Variants in ADAMTSL2 observed in about 807,000 individuals in gnomAD.
ADAMTSL2 encodes the protein ADAMTS-like protein 2.
A neutral mutation model predicts 117.0 loss-of-function variants in ADAMTSL2; 55 were observed. The observed-to-expected ratio is 0.47, with a 90% CI of 0.38 to 0.59. The LOEUF (loss-of-function observed/expected upper bound fraction) is 0.59. Ranked by LOEUF, ADAMTSL2 falls within the 20% of genes least tolerant of loss-of-function variation. The probability of loss-of-function intolerance (pLI) is 0.00; values close to 1 mark genes in which losing one functional copy is unlikely to be tolerated. For synonymous variants in ADAMTSL2, 572 were observed against 566.4 expected (o/e 1.01, Z -0.14); for missense variants, 1,182 against 1,354.5 (o/e 0.87, Z 2.00).
At chr9:133,568,049 G>A (rs1008423156) in intron 13 of ADAMTSL2, among the ~76,000 whole-genome samples, 8 of 152,326 alleles carry the variant, frequency 5.3e-5, no homozygotes, top group Admixed American at 3.3e-4. Flanking sequence ...CAGGGCACCC[G>A]CCAACCACCT....
intron 12 of ADAMTSL2, 154 bp from the exon 13 acceptor site, chr9:133,566,782 C>G: frequency 1.0e-6 from 1 of 997,010 alleles, no homozygotes; most frequent in Non-Finnish European, 1.5e-6. Context: ...ACCCACAGTG[C>G]TGCCCTCATG....
chr9:133,571,903 C>T (rs1039073964), intron 17 of ADAMTSL2, among the ~76,000 whole-genome samples: 27 of 152,152 alleles, frequency 1.8e-4, no homozygotes, highest in Admixed American at 3.3e-4. Context: ...GGGTGTCAGA[C>T]GGAACTCAGA....
In ADAMTSL2 at chr9:133,537,514, T is replaced by C; in HGVS notation, c.200T>C (p.Val67Ala). Reference protein sequence around the residue: ...TACSRSCGGGVTSQERHCLQQ... With the variant: ...TACSRSCGGGATSQERHCLQQ... Reference sequence around the variant, plus strand: ...TGTTCCCGCAGTTGCGGGGGTGGGGTGACATCCCAGGAGCGGCACTGCCTG... The same window carrying C: ...TGTTCCCGCAGTTGCGGGGGTGGGGCGACATCCCAGGAGCGGCACTGCCTG... Residue 67 changes from valine (V) to alanine (A), a missense_variant, in exon 3 of 19, where the codon GTG becomes GCG. Coordinates refer to ENST00000651351, the MANE Select transcript of ADAMTSL2 (RefSeq NM_014694.4). 7.4e-7 allele frequency: 1 copy of C among 1,348,840 alleles called. No individual in the cohort carries two copies. The highest frequency in any genetic ancestry group is 9.6e-7 in the Non-Finnish European group (1 of 1,041,642). The allele number at this position is 1,348,840 out of a possible 1,614,324, so 83.6% of individuals were successfully genotyped here. A position where few individuals can be genotyped will look rare whatever the true frequency, so the allele number is the denominator to read the frequency against.
At chr9:133,538,502 G>C in intron 4 of ADAMTSL2, 78 bp downstream of exon 4, 1 of 1,521,326 alleles carries the variant, frequency 6.6e-7, no homozygotes, top group Non-Finnish European at 9.1e-7. Context: ...CTTCCAGGTG[G>C]CTCCTGGGCA....
chr9:133,570,675 G>T (rs888899032), intron 17 of ADAMTSL2, among the ~76,000 whole-genome samples, 168 bp downstream of exon 17: 14 of 152,204 alleles, frequency 9.2e-5, no homozygotes, highest in Admixed American at 5.9e-4. Context: ...ACGTCAGCTG[G>T]TGCGAGAGCC....
chr9:133,539,883 G>A lies in ADAMTSL2; in HGVS notation c.412+10G>A, dbSNP rs375029785. The A allele has an allele frequency of 7.7e-5, 120 of 1,550,398 alleles. No individual in the cohort carries two copies. The highest frequency in any genetic ancestry group is 9.6e-5 in the African/African-American group (7 of 73,046). On this transcript the variant is annotated intron_variant, in intron 5 of 18. Coordinates refer to ENST00000651351, the MANE Select transcript of ADAMTSL2 (RefSeq NM_014694.4). ...AAGCCTCTGTACCCGGGTACCTGCC[G>A]CCCTGGGGACCCACCTTGCAGGGAG...
chr9:133,537,827 C>T (rs962317005), intron 3 of ADAMTSL2, among the ~76,000 whole-genome samples: 3 of 152,242 alleles, frequency 2.0e-5, no homozygotes, highest in African/African-American at 4.8e-5. Context: ...GGCGGAGAAC[C>T]ACCCTGACTT....
In ADAMTSL2 at chr9:133,554,668, G is replaced by GC; in HGVS notation, c.1257dup (p.Arg420GlnfsTer21). 6.6e-7 allele frequency: 1 copy of GC among 1,516,010 alleles called. No individual in the cohort carries two copies. Among genetic ancestry groups the GC allele is most frequent in the Non-Finnish European group, 8.9e-7 (1 of 1,127,428 alleles). The allele number at this position is 1,516,010 out of a possible 1,614,324, so 93.9% of individuals were successfully genotyped here. A position where few individuals can be genotyped will look rare whatever the true frequency, so the allele number is the denominator to read the frequency against. The stretch of plus-strand genomic sequence containing the variant: ...AGGCCGGCGGCGGGGCCTGCGAGGG[G>GC]CCCCCCAGGGGCAAGGGCTTCCGAG... On this transcript the variant is annotated frameshift_variant, in exon 10 of 19. Transcript: ENST00000651351. LOFTEE classifies it high-confidence loss of function. The surrounding 1 kb of genome is among the most constrained non-coding windows in gnomAD (Gnocchi z 5.2).
chr9:133,544,389 C>A, intron 7 of ADAMTSL2, 81 bp from the exon 8 acceptor site: 3 of 1,163,118 alleles, frequency 2.6e-6, no homozygotes, highest in Non-Finnish European at 3.9e-6. Context: ...GCTCACCCTC[C>A]AATAGCTGTG....
chr9:133,534,656 C>T (rs1830004704), upstream of ADAMTSL2: 5 of 1,328,050 alleles, frequency 3.8e-6, no homozygotes, highest in Non-Finnish European at 4.8e-6. Context: ...GAGTGTTCCT[C>T]CCCGTCTGCC....
rs1358036666 is a variant in ADAMTSL2 at position 133,562,589 on chromosome 9, C to T, written c.1747+1294C>T. On this transcript the variant is annotated intron_variant, in intron 12 of 18. Coordinates refer to ENST00000651351, the MANE Select transcript of ADAMTSL2 (RefSeq NM_014694.4). ...GGCGGGCACCCTGCTGGGCCCGGCT[C>T]GCACCGCCGTGGGCGGCGTGGCGGG... Among the ~76,000 whole-genome samples the T allele has an allele frequency of 2.2e-4, 22 of 98,930 alleles. 2 individuals are homozygous for T. The highest frequency in any genetic ancestry group is 7.0e-4 in the African/African-American group (16 of 22,752). 64.9% of individuals were successfully genotyped at this position (98,930 alleles called of 152,430 possible).
chr9:133,571,484 A>C (rs1831105662), intron 17 of ADAMTSL2, among the ~76,000 whole-genome samples: 1 of 152,136 alleles, frequency 6.6e-6, no homozygotes, highest in Non-Finnish European at 1.5e-5. Flanking sequence ...TGTCTTGCAG[A>C]GCAAACAGGT....
chr9:133,568,294 C>G lies in ADAMTSL2; in HGVS notation c.1896C>G (p.Ser632Arg). Residue 632 changes from serine to arginine, a missense_variant, in exon 14 of 19, where the codon AGC (serine) becomes AGG (arginine). This residue lies in a region of ADAMTSL2 where 465 missense variants were observed against 565.3 expected (regional missense o/e 0.82). Transcript: ENST00000651351. Reference sequence around the variant, plus strand: ...GCAGGTGGGAGACGAGCAGCTGGAGCGAGTGTTCGCGCACCTGCGGAGAGG... The same window carrying G: ...GCAGGTGGGAGACGAGCAGCTGGAGGGAGTGTTCGCGCACCTGCGGAGAGG... ...CQPRWETSSW[S>R]ECSRTCGEGY... The G allele has an allele frequency of 6.4e-7, 1 of 1,571,994 alleles. No individual in the cohort carries two copies. Among genetic ancestry groups the G allele is most frequent in the Admixed American group, 1.9e-5 (1 of 54,042 alleles).
At chr9:133,567,089 G>A in intron 13 of ADAMTSL2, 27 bp downstream of exon 13, 1 of 1,594,642 alleles carries the variant, frequency 6.3e-7, no homozygotes, top group Non-Finnish European at 8.5e-7. Context: ...GCCCTGGGCA[G>A]GGGGTCGGCA....
chr9:133,554,140 A>G lies in ADAMTSL2; in HGVS notation c.940-217A>G, dbSNP rs1305617523. Among the ~76,000 whole-genome samples the G allele has an allele frequency of 6.6e-6, 1 of 152,150 alleles. No homozygotes were observed. The highest frequency in any genetic ancestry group is 1.5e-5 in the Non-Finnish European group (1 of 68,020). ...CAGGGTGGGCCACTCCCCCCACCAC[A>G]CATCCCCAGCCCCCGCCCTGTTCCC... On this transcript the variant is annotated intron_variant, in intron 9 of 18. Coordinates refer to ENST00000651351, the MANE Select transcript of ADAMTSL2 (RefSeq NM_014694.4). The surrounding 1 kb of genome is among the most constrained non-coding windows in gnomAD (Gnocchi z 5.2).
chr9:133,536,615 C>T lies in ADAMTSL2; in HGVS notation c.-98C>T. ...GTCCCAGATAACCTTGAGGCCTGGG[C>T]ACTGGCTGGGCCCCGAGGGCTCTTC... On this transcript the variant is annotated 5_prime_UTR_variant, in exon 2 of 19. Coordinates refer to ENST00000651351, the MANE Select transcript of ADAMTSL2 (RefSeq NM_014694.4). 1 of 1,613,234 alleles carries T rather than the reference C, an allele frequency of 6.2e-7. No homozygotes were observed. The highest frequency in any genetic ancestry group is 8.5e-7 in the Non-Finnish European group (1 of 1,179,644).
At chr9:133,542,238 G>A (rs17150650) in intron 7 of ADAMTSL2, among the ~76,000 whole-genome samples, 40,100 of 152,148 alleles carry the variant, frequency 0.26, 5,801 homozygotes, top group African/African-American at 0.35. Context: ...CGGGCGTGCC[G>A]GACTGACAAG....
intron 12 of ADAMTSL2, 125 bp downstream of exon 12, chr9:133,561,420 G>A (rs1830725528): frequency 2.7e-5 from 23 of 853,702 alleles, no homozygotes; most frequent in Non-Finnish European, 4.4e-5. Flanking sequence ...GCTTGTCCGT[G>A]GCCTCCTGAC....
chr9:133,557,815 C>T lies in ADAMTSL2; in HGVS notation c.1649+1885C>T, dbSNP rs1454931436. ...GCCTGGGTCAGGGAGGCCAGCTCTC[C>T]GGCAGTCACGGCCCTCCAAATAGAA... is the stretch of plus-strand genomic sequence containing the variant. On this transcript the variant is annotated intron_variant, in intron 11 of 18. Transcript: ENST00000651351. This position sits in a 1 kb window ranked among gnomAD's most constrained non-coding sequence, Gnocchi z 5.2. Among the ~76,000 whole-genome samples, 7 of 152,164 alleles carry T rather than the reference C, an allele frequency of 4.6e-5. No individual in the cohort carries two copies. The highest frequency in any genetic ancestry group is 2.1e-4 in the South Asian group (1 of 4,832).
Sources: gnomAD v4.1 joint callset for allele counts (sites outside exome capture counted in the v4.1 genomes callset) on GRCh38, gnomAD v4.1.1 for gene constraint, gnomAD v4.1.1 regional missense constraint, Gnocchi (gnomAD v3.1) non-coding constraint, MANE v1.5 for transcripts, NCBI Gene and HGNC (gene_info 2026-07-23, HGNC 2026-07-21) for gene names.